The following TANGO2 variants were observed in gnomAD, a reference collection of about 807,000 sequenced individuals.
The protein encoded by TANGO2 is transport and Golgi organization protein 2 homolog.
A neutral mutation model predicts 39.1 loss-of-function variants in TANGO2; 26 were observed. That is an observed-to-expected ratio of 0.67 (90% CI 0.49 to 0.92). The LOEUF is 0.92. TANGO2 is among the 40% of genes least tolerant of loss of function. The pLI, the probability that TANGO2 is intolerant of heterozygous loss-of-function variation, is 0.00. For synonymous variants in TANGO2, 131 were observed against 144.5 expected (o/e 0.91, Z 0.67); for missense variants, 326 against 360.1 (o/e 0.91, Z 0.77).
chr22:20,035,180 G>A (rs759290237), intron 1 of TANGO2, among the ~76,000 whole-genome samples: 7 of 152,198 alleles, frequency 4.6e-5, no homozygotes, highest in African/African-American at 9.7e-5. Flanking sequence ...GACCCAGTGC[G>A]TCTGCACGTG....
chr22:20,025,958 G>A (rs1023372622), intron 1 of TANGO2, among the ~76,000 whole-genome samples: 3 of 152,206 alleles, frequency 2.0e-5, no homozygotes, highest in Admixed American at 2.0e-4. Flanking sequence ...GCCTCAAGGG[G>A]CCCATGTGAC....
chr22:20,053,543 C>T lies in TANGO2; in HGVS notation c.372C>T (p.Ala124=), dbSNP rs370694835. 54 of 1,609,190 alleles carry T rather than the reference C, an allele frequency of 3.4e-5. 1 individual carries two copies. The highest frequency in any genetic ancestry group is 6.7e-5 in the East Asian group (3 of 44,848). Residue 124 remains alanine (A), a synonymous_variant, in exon 5 of 9, where the codon GCC becomes GCT. Transcript: ENST00000327374. ...HLYNGFNLIA[A]DLSTAKGDVI... ...ACAATGGCTTCAACCTCATAGCAGC[C>T]GACCTGAGGTGGGTCTGCCAGAGGG...
intron 5 of TANGO2, chr22:20,054,553 TG>T (rs58217377): frequency 0.057 from 8,708 of 151,832 alleles, 368 homozygotes; most frequent in Non-Finnish European, 0.081. Flanking sequence ...GGTTGGGGGT[TG>T]GGGGTTTGGG....
intron 3 of TANGO2, among the ~76,000 whole-genome samples, chr22:20,047,783 C>T (rs1226115829): frequency 6.6e-6 from 1 of 152,108 alleles, no homozygotes; most frequent in African/African-American, 2.4e-5. Context: ...GCTGTGTCTC[C>T]ACCCAAATCT....
At chr22:20,044,287 C>G (rs2044640487) in intron 3 of TANGO2, among the ~76,000 whole-genome samples, 1 of 152,148 alleles carries the variant, frequency 6.6e-6, no homozygotes, top group African/African-American at 2.4e-5. Context: ...CTTAAGGAGG[C>G]TGAGGCAGGA....
rs1243185585 is a variant in TANGO2 at position 20,043,355 on chromosome 22, G to T, written c.57G>T (p.Arg19Ser). The T allele has an allele frequency of 6.2e-7, 1 of 1,610,790 alleles. No individual in the cohort carries two copies. The highest frequency in any genetic ancestry group is 8.5e-7 in the Non-Finnish European group (1 of 1,177,546). Residue 19 changes from arginine to serine, a missense_variant and splice_region_variant, in exon 3 of 9, where the codon AGG (arginine) becomes AGT (serine). Coordinates refer to ENST00000327374, the MANE Select transcript of TANGO2 (RefSeq NM_152906.7). ...DPRPVSKNAY[R>S]LILAANRDEF... Reference sequence around the variant, plus strand: ...CATCAGTGATGCTTTCCTCTTGCAGGCTCATCTTGGCAGCCAACAGGGATG... The same window carrying T: ...CATCAGTGATGCTTTCCTCTTGCAGTCTCATCTTGGCAGCCAACAGGGATG...
At position 20,057,062 on chromosome 22, in the gene TANGO2, C is replaced by T. The variant is rs2047509708; in HGVS notation, c.451+1049C>T. On this transcript the variant is annotated intron_variant, in intron 6 of 8. Coordinates refer to ENST00000327374, the MANE Select transcript of TANGO2 (RefSeq NM_152906.7). The surrounding 1 kb of genome is among the most constrained non-coding windows in gnomAD (Gnocchi z 4.1). Reference sequence around the variant, plus strand: ...ACTTTCTTTTGCATTTGGCACAAATCACCAAGTGAGGTTGCAGGTCACAGG... The same window carrying T: ...ACTTTCTTTTGCATTTGGCACAAATTACCAAGTGAGGTTGCAGGTCACAGG... 2 of 427,852 alleles carry T rather than the reference C, an allele frequency of 4.7e-6. No homozygotes were observed. Among genetic ancestry groups the T allele is most frequent in the African/African-American group, 2.0e-5 (1 of 49,604 alleles). 26.5% of individuals were successfully genotyped at this position (427,852 alleles called of 1,614,324 possible). A position where few individuals can be genotyped will look rare whatever the true frequency, so the allele number is the denominator to read the frequency against.
chr22:20,052,348 C>G, intron 3 of TANGO2, 117 bp from the exon 4 acceptor site: 1 of 1,442,672 alleles, frequency 6.9e-7, no homozygotes, highest in Non-Finnish European at 9.4e-7. Flanking sequence ...GCATGTCGAA[C>G]GTCCTCGAGG....
At chr22:20,036,725 C>T (rs1233622457) in intron 1 of TANGO2, 35 bp from the exon 2 acceptor site, 8 of 1,585,766 alleles carry the variant, frequency 5.0e-6, no homozygotes, top group Non-Finnish European at 6.9e-6. Flanking sequence ...GAGTGTCTGC[C>T]ATCCGCTCAA....
At chr22:20,045,625 T>G (rs949820314) in intron 3 of TANGO2, among the ~76,000 whole-genome samples, 5 of 151,330 alleles carry the variant, frequency 3.3e-5, no homozygotes, top group African/African-American at 1.2e-4. Context: ...TGCTTCAGCC[T>G]TCCTAATAGC....
intron 3 of TANGO2, among the ~76,000 whole-genome samples, chr22:20,045,125 T>G (rs1388223974): frequency 6.6e-6 from 1 of 152,062 alleles, no homozygotes; most frequent in Non-Finnish European, 1.5e-5. Context: ...AGCACCAGCT[T>G]TACTTGAGAA....
chr22:20,029,670 C>T (rs2041468213), intron 1 of TANGO2, among the ~76,000 whole-genome samples: 2 of 152,176 alleles, frequency 1.3e-5, no homozygotes, highest in African/African-American at 4.8e-5. Flanking sequence ...CCTGCTGAGG[C>T]TGGTGGCATT....
At chr22:20,020,923 C>A (rs1390068284), upstream of TANGO2, 1 of 152,152 alleles carries the variant, frequency 6.6e-6, no homozygotes, top group Non-Finnish European at 1.5e-5. Context: ...CAGCCCGAAG[C>A]TTTGGCGCAG....
chr22:20,053,310 G>A (rs2046743863), intron 4 of TANGO2, 127 bp from the exon 5 acceptor site: 2 of 656,146 alleles, frequency 3.0e-6, no homozygotes, highest in Non-Finnish European at 5.6e-6. Flanking sequence ...CGGCAGTCAT[G>A]ACAGGCCAGG....
intron 2 of TANGO2, among the ~76,000 whole-genome samples, chr22:20,041,809 ATGT>A (rs773235007): frequency 6.6e-5 from 10 of 152,122 alleles, no homozygotes; most frequent in South Asian, 4.1e-4. Context: ...TCAGGAGCAA[ATGT>A]TGTTTTATGA....
At position 20,053,952 on chromosome 22, in the gene TANGO2, G is replaced by A. The variant is rs371425548; in HGVS notation, c.380+401G>A. On this transcript the variant is annotated intron_variant, in intron 5 of 8. Coordinates refer to ENST00000327374, the MANE Select transcript of TANGO2 (RefSeq NM_152906.7). ...TTGGAGATGAGGCCGCAGGAACTGC[G>A]GAGGTTTTGGTGTTTTGCCCTTCCG... 2.0e-4 allele frequency: 70 copies of A among 351,374 alleles called. 1 individual carries two copies. The highest frequency in any genetic ancestry group is 8.6e-4 in the East Asian group (11 of 12,850). 21.8% of individuals were successfully genotyped at this position (351,374 alleles called of 1,614,324 possible).
upstream of TANGO2, among the ~76,000 whole-genome samples, chr22:20,018,202 G>A (rs1945339402): frequency 6.6e-6 from 1 of 152,262 alleles, no homozygotes; most frequent in Non-Finnish European, 1.5e-5. Flanking sequence ...GAGCCAGGCA[G>A]CTACTATCAA....
chr22:20,034,351 C>T (rs1267634876), intron 1 of TANGO2, among the ~76,000 whole-genome samples: 1 of 152,198 alleles, frequency 6.6e-6, no homozygotes, highest in Non-Finnish European at 1.5e-5. Flanking sequence ...GGTTATCTTT[C>T]TGCTGGTTCT....
chr22:20,060,771 G>C (rs1372132839), intron 6 of TANGO2, among the ~76,000 whole-genome samples: 3 of 152,176 alleles, frequency 2.0e-5, no homozygotes, highest in Non-Finnish European at 4.4e-5. Flanking sequence ...AAGTCTGACA[G>C]GGAGAGGGTG....
Sources: gnomAD v4.1 joint callset for allele counts (sites outside exome capture counted in the v4.1 genomes callset) on GRCh38, gnomAD v4.1.1 for gene constraint, Gnocchi (gnomAD v3.1) non-coding constraint, MANE v1.5 for transcripts, NCBI Gene and HGNC (gene_info 2026-07-23, HGNC 2026-07-21) for gene names.